The following IQCJ variants were observed in gnomAD, a reference collection of about 807,000 sequenced individuals.
IQCJ encodes the protein IQ motif containing J, also known as IQ domain-containing protein J.
A neutral mutation model predicts 11.0 loss-of-function variants in IQCJ; 9 were observed. The observed-to-expected ratio is 0.82, with a 90% confidence interval of 0.49 to 1.43. The LOEUF (loss-of-function observed/expected upper bound fraction) is 1.43. IQCJ is among the 40% of genes most tolerant of loss of function. The probability of loss-of-function intolerance (pLI) is 0.00; values close to 1 mark genes in which losing one functional copy is unlikely to be tolerated. For synonymous variants in IQCJ, 55 were observed against 51.3 expected, an observed-to-expected ratio of 1.07 and a Z score of -0.31; for missense variants, 146 against 133.2, an observed-to-expected ratio of 1.10 and a Z score of -0.47.
intron 1 of IQCJ, among the ~76,000 whole-genome samples, chr3:159,155,199 C>A (rs1283016021): frequency 6.6e-6 from 1 of 152,236 alleles, no homozygotes; most frequent in East Asian, 1.9e-4. Flanking sequence ...GCTCTGTCAC[C>A]AAGGCTGGAG....
At chr3:159,210,884 C>T (rs1288911543) in intron 1 of IQCJ, among the ~76,000 whole-genome samples, 1 of 152,094 alleles carries the variant, frequency 6.6e-6, no homozygotes, top group Non-Finnish European at 1.5e-5. Context: ...GTTGGTCAGG[C>T]TGGTCTCAAA....
Position 159,263,743 on chromosome 3 carries a change from A to G in IQCJ, c.*1012A>G. On this transcript the variant is annotated 3_prime_UTR_variant, in exon 4 of 4. Transcript: ENST00000397832. ...AGATGGTTGCATTGCATATTCTTCA[A>G]TAAATGGTTTTGCCTAGATATGGAT... 1 of 985,246 alleles carries G rather than the reference A, an allele frequency of 1.0e-6. No homozygotes were observed. The highest frequency in any genetic ancestry group is 4.7e-5 in the South Asian group (1 of 21,284). 61.0% of individuals were successfully genotyped at this position (985,246 alleles called of 1,614,324 possible). A position where few individuals can be genotyped will look rare whatever the true frequency, so the allele number is the denominator to read the frequency against.
rs138965926 is a variant in IQCJ, at chr3:159,117,219, C to T, written c.9+47778C>T. Among the ~76,000 whole-genome samples the T allele has an allele frequency of 5.1e-3, 779 of 152,280 alleles. 13 individuals carry two copies. The highest frequency in any genetic ancestry group is 0.018 in the African/African-American group (751 of 41,568). Reference sequence around the variant, plus strand: ...ATTCTGTAGCCTTTTCATCCCAAACCTACAGATTGTTGAAGCTCTCTTCTT... The same window carrying T: ...ATTCTGTAGCCTTTTCATCCCAAACTTACAGATTGTTGAAGCTCTCTTCTT... On this transcript the variant is annotated intron_variant, in intron 1 of 3. Transcript: ENST00000397832.
intron 1 of IQCJ, among the ~76,000 whole-genome samples, chr3:159,140,408 AAC>A (rs1720535235): frequency 6.6e-6 from 1 of 152,328 alleles, no homozygotes; most frequent in Non-Finnish European, 1.5e-5. Flanking sequence ...GATGGAGCAC[AAC>A]AGAGAGGATG....
intron 1 of IQCJ, among the ~76,000 whole-genome samples, chr3:159,124,300 C>G (rs1719547556): frequency 6.6e-6 from 1 of 152,220 alleles, no homozygotes; most frequent in African/African-American, 2.4e-5. Flanking sequence ...CGCAGATCCA[C>G]TTTGTGGCCA....
intron 1 of IQCJ, among the ~76,000 whole-genome samples, chr3:159,138,267 G>A (rs953995103): frequency 3.9e-5 from 6 of 152,134 alleles, no homozygotes; most frequent in East Asian, 3.9e-4. Flanking sequence ...GTCAGAGTCC[G>A]TTAATGAAGG....
At chr3:159,110,879 CAA>C (rs1180395477) in intron 1 of IQCJ, among the ~76,000 whole-genome samples, 1 of 152,038 alleles carries the variant, frequency 6.6e-6, no homozygotes, top group Non-Finnish European at 1.5e-5. Context: ...CAAAAGCAAA[CAA>C]AACAAAATCC....
chr3:159,143,443 T>TC (rs1196540048), intron 1 of IQCJ, among the ~76,000 whole-genome samples: 1 of 152,298 alleles, frequency 6.6e-6, no homozygotes, highest in East Asian at 1.9e-4. Flanking sequence ...TAGTTCCTCA[T>TC]CCCTTCGTTG....
intron 2 of IQCJ, among the ~76,000 whole-genome samples, chr3:159,248,164 G>C (rs374613063): frequency 6.6e-6 from 1 of 152,250 alleles, no homozygotes; most frequent in South Asian, 2.1e-4. Context: ...GTCTTGACTT[G>C]ACAGTCTTAT....
At chr3:159,156,397 T>C (rs1020526591) in intron 1 of IQCJ, among the ~76,000 whole-genome samples, 9 of 151,680 alleles carry the variant, frequency 5.9e-5, no homozygotes, top group Admixed American at 2.0e-4. Flanking sequence ...TCCTGAGGAG[T>C]AGAGGGGAGG....
intron 1 of IQCJ, among the ~76,000 whole-genome samples, chr3:159,134,087 C>G (rs2108166729): frequency 6.6e-6 from 1 of 152,124 alleles, no homozygotes; most frequent in South Asian, 2.1e-4. Context: ...TAGGTCACAG[C>G]TAGAGGCTGC....
At chr3:159,095,813 C>T (rs9798916) in intron 1 of IQCJ, among the ~76,000 whole-genome samples, 3 of 916 alleles carry the variant, frequency 3.3e-3, no homozygotes, top group Admixed American at 7.9e-3. Context: ...TGAATAGTGC[C>T]GCAATAAACA....
intron 1 of IQCJ, among the ~76,000 whole-genome samples, chr3:159,101,320 A>G (rs1386877127): frequency 6.6e-6 from 1 of 151,350 alleles, no homozygotes; most frequent in African/African-American, 2.4e-5. Flanking sequence ...TGCAGAAATC[A>G]CCGTCTTCTG....
intron 1 of IQCJ, among the ~76,000 whole-genome samples, chr3:159,171,403 C>T (rs1229001642): frequency 6.6e-6 from 1 of 152,186 alleles, no homozygotes; most frequent in Non-Finnish European, 1.5e-5. Context: ...GAGTGCTTCT[C>T]AGAGATTAGC....
chr3:159,074,383 A>G (rs568106820), intron 1 of IQCJ, among the ~76,000 whole-genome samples: 12 of 152,246 alleles, frequency 7.9e-5, no homozygotes, highest in African/African-American at 2.9e-4. Context: ...AGGGGAAGAT[A>G]GTACTCAAAA....
At chr3:159,193,803 T>C (rs1723827139) in intron 1 of IQCJ, among the ~76,000 whole-genome samples, 1 of 152,180 alleles carries the variant, frequency 6.6e-6, no homozygotes, top group Non-Finnish European at 1.5e-5. Context: ...GGCGGGACGT[T>C]GGTCAGCAGT....
intron 1 of IQCJ, among the ~76,000 whole-genome samples, chr3:159,214,808 C>T (rs1725137363): frequency 6.6e-6 from 1 of 152,136 alleles, no homozygotes; most frequent in African/African-American, 2.4e-5. Context: ...TTGTTTCTGG[C>T]AGCTGGAGGT....
chr3:159,081,818 A>C (rs1311913472), intron 1 of IQCJ, among the ~76,000 whole-genome samples: 1 of 152,114 alleles, frequency 6.6e-6, no homozygotes, highest in Non-Finnish European at 1.5e-5. Flanking sequence ...TTTTGCCCTT[A>C]AACAAAAAAG....
chr3:159,138,012 C>A (rs977060207), intron 1 of IQCJ, among the ~76,000 whole-genome samples: 4 of 141,830 alleles, frequency 2.8e-5, no homozygotes, highest in Non-Finnish European at 6.4e-5. Flanking sequence ...AGATGAATTT[C>A]ATTTACATAT....
Sources: allele counts gnomAD v4.1 joint callset (sites outside exome capture counted in the v4.1 genomes callset), GRCh38; gene constraint gnomAD v4.1.1; transcripts MANE v1.5; gene names NCBI Gene and HGNC (gene_info 2026-07-23, HGNC 2026-07-21).